Variants in TENM1 observed in about 807,000 individuals in gnomAD.
TENM1 encodes the protein teneurin-1.
Under a neutral mutation model 174.8 loss-of-function variants are expected in TENM1, and 35 were observed. The observed-to-expected ratio is 0.20, with a 90% CI of 0.15 to 0.27. TENM1 has a LOEUF of 0.27. Among genes scored for constraint, TENM1 ranks in the 10% least tolerant of loss-of-function variants. The pLI is 1.00. For missense variants in TENM1, 1,633 were observed against 2,130.1 expected, an observed-to-expected ratio of 0.77 and a Z score of 4.59; for synonymous variants, 781 against 798.7, an observed-to-expected ratio of 0.98 and a Z score of 0.37.
chrX:125,073,927 C>A, the TENM1 span, among the ~76,000 whole-genome samples: 3 of 111,898 alleles, frequency 2.7e-5, no homozygotes, highest in Non-Finnish European at 5.6e-5. Context: ...TTCATTCTTT[C>A]CTTGTCAGGT....
intron 27 of TENM1, among the ~76,000 whole-genome samples, chrX:124,402,128 T>C (rs2060407442): frequency 8.9e-6 from 1 of 112,466 alleles, no homozygotes. Context: ...GGCAAATCAC[T>C]TAACCTACCT....
chrX:124,777,881 T>C (rs1042996871), intron 3 of TENM1, among the ~76,000 whole-genome samples: 5 of 112,857 alleles, frequency 4.4e-5, no homozygotes, highest in African/African-American at 1.3e-4. Flanking sequence ...GCAGGTCATA[T>C]AGTCTCTGTG....
chrX:125,040,219 C>T, the TENM1 span, among the ~76,000 whole-genome samples: 5 of 111,042 alleles, frequency 4.5e-5, no homozygotes, highest in Non-Finnish European at 9.5e-5. Flanking sequence ...CCTCAGGGCA[C>T]CTCCCTTGCA....
At chrX:124,409,387 G>A (rs1435588404) in intron 25 of TENM1, among the ~76,000 whole-genome samples, 26 of 106,946 alleles carry the variant, frequency 2.4e-4, no homozygotes, top group African/African-American at 8.9e-4. Context: ...AATAATAAGA[G>A]CTATCTATGA....
the TENM1 span, among the ~76,000 whole-genome samples, chrX:125,165,503 G>C: frequency 8.9e-6 from 1 of 111,815 alleles, no homozygotes; most frequent in East Asian, 2.8e-4. Flanking sequence ...ACAATGACAG[G>C]TAATGTTCCT....
At chrX:125,071,702 T>A in the TENM1 span, among the ~76,000 whole-genome samples, 1 of 111,218 alleles carries the variant, frequency 9.0e-6, no homozygotes. Flanking sequence ...AATATTTCAT[T>A]TTCACCTCTC....
At chrX:125,146,947 C>T in the TENM1 span, among the ~76,000 whole-genome samples, 138 of 110,596 alleles carry the variant, frequency 1.2e-3, 1 homozygote, top group Middle Eastern at 4.7e-3. Context: ...TCATTTTTTT[C>T]CACGTTTGTA....
chrX:124,949,797 T>C (rs1164575100), intron 1 of TENM1, among the ~76,000 whole-genome samples: 1 of 111,926 alleles, frequency 8.9e-6, no homozygotes, highest in Non-Finnish European at 1.9e-5. Context: ...GGAATAATTT[T>C]ATCAGATCCA....
At chrX:124,904,988 A>G (rs1312739623) in intron 1 of TENM1, among the ~76,000 whole-genome samples, 1 of 111,378 alleles carries the variant, frequency 9.0e-6, no homozygotes, top group African/African-American at 3.3e-5. Context: ...TGTTTTCAGG[A>G]ACTCAGAGAA....
Position 124,682,405 on chromosome X carries a change from C to T in TENM1, c.1016-10570G>A, listed in dbSNP as rs73545904. Among the ~76,000 whole-genome samples, 975 of 110,943 alleles carry T rather than the reference C, an allele frequency of 8.8e-3. 10 individuals are homozygous for T. The highest frequency in any genetic ancestry group is 0.031 in the African/African-American group (936 of 30,507). ...CGTAGCTATATAGTATGAAATGGGTCCCAAGAAAACTTTCAGCTGAGTTAC... is the reference window on the plus strand; with the variant it reads ...CGTAGCTATATAGTATGAAATGGGTTCCAAGAAAACTTTCAGCTGAGTTAC... On this transcript the variant is annotated intron_variant, in intron 5 of 31. Coordinates refer to ENST00000422452, the Ensembl canonical transcript of TENM1.
chrX:125,090,243 C>T, the TENM1 span, among the ~76,000 whole-genome samples: 4 of 111,797 alleles, frequency 3.6e-5, no homozygotes, highest in African/African-American at 1.3e-4. Context: ...AGGCACTATG[C>T]TAGAAGCTTG....
chrX:125,114,999 C>T, the TENM1 span, among the ~76,000 whole-genome samples: 16 of 111,888 alleles, frequency 1.4e-4, no homozygotes, highest in Admixed American at 1.5e-3. Flanking sequence ...CAATAAAATA[C>T]TGGCAAACTG....
At chrX:125,165,649 A>G in the TENM1 span, among the ~76,000 whole-genome samples, 21 of 111,883 alleles carry the variant, frequency 1.9e-4, no homozygotes, top group African/African-American at 6.8e-4. Flanking sequence ...CCCACAGTTC[A>G]GGAAGAACAT....
At chrX:124,898,610 T>G (rs2057603680) in intron 1 of TENM1, among the ~76,000 whole-genome samples, 1 of 110,453 alleles carries the variant, frequency 9.1e-6, no homozygotes, top group Non-Finnish European at 1.9e-5. Context: ...TGGAAAAGGT[T>G]GAGCAAATAA....
intron 22 of TENM1, among the ~76,000 whole-genome samples, chrX:124,465,710 T>C (rs893150604): frequency 4.5e-5 from 5 of 110,524 alleles, no homozygotes; most frequent in Admixed American, 1.9e-4. Context: ...GTTCTCATTT[T>C]CCCCCTTTTT....
chrX:125,132,392 T>C, the TENM1 span, among the ~76,000 whole-genome samples: 6 of 110,856 alleles, frequency 5.4e-5, no homozygotes, highest in African/African-American at 2.0e-4. Flanking sequence ...AATTTTGCCT[T>C]TTCTCATTTT....
At position 124,575,848 on chromosome X, in the gene TENM1, G is replaced by T. The variant is rs771097619; in HGVS notation, c.2078-10288C>A. Among the ~76,000 whole-genome samples the T allele has an allele frequency of 2.4e-4, 27 of 111,973 alleles. No homozygotes were observed. In the South Asian group the frequency reaches 0.01, roughly 42 times the overall value. Reference sequence around the variant, plus strand: ...ATTTTGGTTAGCTTAGTGATCAGAAGCTCAAACTATTGAAGATGAGGTGAA... The same window carrying T: ...ATTTTGGTTAGCTTAGTGATCAGAATCTCAAACTATTGAAGATGAGGTGAA... On this transcript the variant is annotated intron_variant, in intron 11 of 31. Transcript: ENST00000422452.
intron 28 of TENM1, among the ~76,000 whole-genome samples, chrX:124,390,628 A>G (rs1269316117): frequency 2.7e-5 from 3 of 112,408 alleles, no homozygotes; most frequent in Non-Finnish European, 5.6e-5. Context: ...GATTGGTGCA[A>G]ACCTGTCTTC....
intron 4 of TENM1, among the ~76,000 whole-genome samples, chrX:124,727,513 T>G (rs1159039305): frequency 2.7e-5 from 3 of 111,562 alleles, no homozygotes; most frequent in Non-Finnish European, 5.7e-5. Context: ...AAAGTGAACC[T>G]GGATGAAGAG....
Sources: allele counts gnomAD v4.1 joint callset (sites outside exome capture counted in the v4.1 genomes callset), GRCh38; gene constraint gnomAD v4.1.1; transcripts MANE v1.5; gene names NCBI Gene and HGNC (gene_info 2026-07-23, HGNC 2026-07-21).